AKR1B15: variants seen among roughly 807,000 people sequenced by gnomAD.
The protein encoded by AKR1B15 is aldo-keto reductase family 1 member B15.
A neutral mutation model predicts 38.5 loss-of-function variants in AKR1B15; 49 were observed. The ratio of observed to expected loss-of-function variants is 1.27; its 90% CI spans 1.01 to 1.62. The LOEUF is 1.62. AKR1B15 is among the 40% of genes most tolerant of loss of function. AKR1B15 has a pLI of 0.00. For synonymous variants in AKR1B15, 137 were observed against 135.5 expected (o/e 1.01, Z -0.08); for missense variants, 411 against 381.6 (o/e 1.08, Z -0.64).
chr7:134,562,826 TCCTTTC>T (rs1304310831), intron 2 of AKR1B15, among the ~76,000 whole-genome samples: 1 of 144,938 alleles, frequency 6.9e-6, no homozygotes, highest in Admixed American at 7.1e-5. Context: ...CTTCCTTCCT[TCCTTTC>T]TCTTTCTTTC....
intron 2 of AKR1B15, among the ~76,000 whole-genome samples, chr7:134,560,502 T>G (rs1403834629): frequency 6.6e-6 from 1 of 152,172 alleles, no homozygotes; most frequent in Non-Finnish European, 1.5e-5. Flanking sequence ...CCAGTTGGGT[T>G]GTTACACGAA....
intron 1 of AKR1B15, among the ~76,000 whole-genome samples, chr7:134,550,644 C>T (rs561774401): frequency 6.6e-6 from 1 of 152,172 alleles, no homozygotes; most frequent in Non-Finnish European, 1.5e-5. Flanking sequence ...CCTCCCAGGC[C>T]GTGAATATCT....
chr7:134,569,080 C>A (rs141708706), intron 4 of AKR1B15, among the ~76,000 whole-genome samples: 1 of 152,214 alleles, frequency 6.6e-6, no homozygotes, highest in Non-Finnish European at 1.5e-5. Context: ...AAAAGCTACA[C>A]GCAATTCCTG....
In AKR1B15 at chr7:134,577,576, A is replaced by G. The variant is rs114690571; in HGVS notation, c.910-128A>G. The G allele has an allele frequency of 2.2e-3, 2,345 of 1,056,754 alleles. 33 individuals carry two copies. In the African/African-American group the frequency reaches 0.034, roughly 15 times the overall value. 65.5% of individuals were successfully genotyped at this position (1,056,754 alleles called of 1,614,324 possible). A position where few individuals can be genotyped will look rare whatever the true frequency, so the allele number is the denominator to read the frequency against. On this transcript the variant is annotated intron_variant, in intron 10 of 11. Coordinates refer to ENST00000457545, the MANE Select transcript of AKR1B15 (RefSeq NM_001080538.3). Reference sequence around the variant, plus strand: ...GAAAAATTTGTATCCCTTGGACAGAATGGGAAAAACTCCTATGGCCAGTTT... The same window carrying G: ...GAAAAATTTGTATCCCTTGGACAGAGTGGGAAAAACTCCTATGGCCAGTTT...
intron 1 of AKR1B15, among the ~76,000 whole-genome samples, chr7:134,552,447 C>A (rs10267447): frequency 1.3e-5 from 2 of 152,138 alleles, no homozygotes; most frequent in Non-Finnish European, 2.9e-5. Context: ...CACCACCCTG[C>A]CGGTCCAGGT....
In AKR1B15 at chr7:134,564,689, G is replaced by C. The variant is rs192494016; in HGVS notation, c.70G>C (p.Val24Leu). The C allele has an allele frequency of 1.4e-6, 1 of 699,460 alleles. No individual in the cohort carries two copies. 43.3% of individuals were successfully genotyped at this position (699,460 alleles called of 1,614,324 possible). A position where few individuals can be genotyped will look rare whatever the true frequency, so the allele number is the denominator to read the frequency against. The change falls in exon 3 of 12, where the codon GTT (valine) becomes CTT (leucine). Residue 24 changes from valine (V) to leucine (L), a missense_variant. This residue lies in a region of AKR1B15 where 254 missense variants were observed against 212.4 expected (regional missense o/e 1.20). Coordinates refer to ENST00000457545, the MANE Select transcript of AKR1B15 (RefSeq NM_001080538.3). ...CCACCAAGGACCCCTGGACCAACCC[G>C]TTGGCCCTTTGACTGGCCTAAAGAG... ...NFHQGPLDQPVGPLTGLKSSL... is the reference protein window; with the variant it reads ...NFHQGPLDQPLGPLTGLKSSL...
rs10258588 is a variant in AKR1B15 at position 134,550,006 on chromosome 7, C to G, written c.-147+757C>G. On this transcript the variant is annotated intron_variant, in intron 1 of 11. Coordinates refer to ENST00000457545, the MANE Select transcript of AKR1B15 (RefSeq NM_001080538.3). ...GGGAAGGGTGTGGAAGACATTCACC[C>G]GTTTAGGATTTCTGGCACCATAAAG... Among the ~76,000 whole-genome samples, 324 of 152,128 alleles carry G rather than the reference C, an allele frequency of 2.1e-3. 1 individual carries two copies. Among genetic ancestry groups the G allele is most frequent in the African/African-American group, 7.5e-3 (311 of 41,458 alleles).
At chr7:134,575,376 T>C (rs372666205) in intron 6 of AKR1B15, 44 bp from the exon 7 acceptor site, 37 of 1,602,216 alleles carry the variant, frequency 2.3e-5, no homozygotes, top group Non-Finnish European at 3.0e-5. Flanking sequence ...AGGGTCCCTG[T>C]AGTCCCTCTA....
chr7:134,567,651 C>T (rs1468675406), intron 3 of AKR1B15, among the ~76,000 whole-genome samples: 3 of 152,098 alleles, frequency 2.0e-5, no homozygotes, highest in Non-Finnish European at 2.9e-5. Context: ...GCTGTAATGA[C>T]CATTATCCAG....
At chr7:134,566,192 G>A (rs1210005615) in intron 3 of AKR1B15, among the ~76,000 whole-genome samples, 1 of 152,208 alleles carries the variant, frequency 6.6e-6, no homozygotes, top group Non-Finnish European at 1.5e-5. Flanking sequence ...CACTTGGGAG[G>A]CTGAGGTGGA....
rs114532120 is a variant in AKR1B15, at chr7:134,558,139, C to G, written c.-23+1280C>G. 5.9e-3 allele frequency among the ~76,000 whole-genome samples: 895 copies of G among 152,246 alleles called. 8 individuals carry two copies. Among genetic ancestry groups the G allele is most frequent in the African/African-American group, 0.021 (856 of 41,540 alleles). ...CCAAGCAATGTGCAATGCAGTTCTC[C>G]GGGTTTATGGGTGTATAAGAATTTA... On this transcript the variant is annotated intron_variant, in intron 2 of 11. Transcript: ENST00000457545.
At chr7:134,549,803 T>C (rs1369676921) in intron 1 of AKR1B15, among the ~76,000 whole-genome samples, 4 of 152,184 alleles carry the variant, frequency 2.6e-5, no homozygotes, top group African/African-American at 9.7e-5. Flanking sequence ...TCCTGTTTAG[T>C]GTCTGTCTAA....
intron 1 of AKR1B15, among the ~76,000 whole-genome samples, chr7:134,554,921 C>T (rs755908701): frequency 2.0e-5 from 3 of 152,164 alleles, no homozygotes; most frequent in Non-Finnish European, 4.4e-5. Flanking sequence ...TTGTGCCTAT[C>T]GACCCCAGAG....
chr7:134,579,452 AGAGTT>A, intron 11 of AKR1B15, 50 bp from the exon 12 acceptor site: 2 of 1,451,274 alleles, frequency 1.4e-6, no homozygotes, highest in Non-Finnish European at 1.9e-6. Flanking sequence ...CTTCTCAGCG[AGAGTT>A]GTTGCTTTGA....
chr7:134,572,044 C>T (rs922226131), intron 6 of AKR1B15, among the ~76,000 whole-genome samples: 2 of 152,052 alleles, frequency 1.3e-5, no homozygotes, highest in Non-Finnish European at 2.9e-5. Flanking sequence ...GCTCAGTTTT[C>T]TCTTTAAAGA....
rs776242427 is a variant in AKR1B15 at position 134,575,872 on chromosome 7, T to A, written c.688T>A (p.Ser230Thr). 3.7e-6 allele frequency: 6 copies of A among 1,613,780 alleles called. No homozygotes were observed. The highest frequency in any genetic ancestry group is 1.7e-4 in the Middle Eastern group (1 of 6,056). Reference sequence around the variant, plus strand: ...GGAGAAACTGATCCAGTACTGCCACTCCAAGGGCATCACCGTTACGGCCTA... The same window carrying A: ...GGAGAAACTGATCCAGTACTGCCACACCAAGGGCATCACCGTTACGGCCTA... ...TQEKLIQYCHSKGITVTAYSP... is the reference protein window; with the variant it reads ...TQEKLIQYCHTKGITVTAYSP... Residue 230 changes from serine to threonine, a missense_variant, in exon 8 of 12, where the codon TCC becomes ACC. This residue lies in a region of AKR1B15 where 24 missense variants were observed against 48.9 expected (regional missense o/e 0.49). Coordinates refer to ENST00000457545, the MANE Select transcript of AKR1B15 (RefSeq NM_001080538.3).
intron 11 of AKR1B15, 31 bp from the exon 12 acceptor site, chr7:134,579,476 A>T (rs534730672): frequency 2.0e-5 from 31 of 1,518,014 alleles, no homozygotes; most frequent in Non-Finnish European, 2.7e-5. Flanking sequence ...GATGGAACAC[A>T]GTTTCTTTTT....
chr7:134,560,046 TG>T (rs1361301317), intron 2 of AKR1B15, among the ~76,000 whole-genome samples: 4 of 151,718 alleles, frequency 2.6e-5, no homozygotes, highest in African/African-American at 9.7e-5. Context: ...AGGCAGAGGT[TG>T]TAGTGAGCTG....
At chr7:134,578,127 T>C (rs990531930) in intron 11 of AKR1B15, among the ~76,000 whole-genome samples, 27 of 152,282 alleles carry the variant, frequency 1.8e-4, no homozygotes, top group African/African-American at 6.5e-4. Flanking sequence ...TATCATACTG[T>C]ACAAAGCTGC....
Sources: gnomAD v4.1 joint callset for allele counts (sites outside exome capture counted in the v4.1 genomes callset) on GRCh38, gnomAD v4.1.1 for gene constraint, gnomAD v4.1.1 regional missense constraint, MANE v1.5 for transcripts, NCBI Gene and HGNC (gene_info 2026-07-23, HGNC 2026-07-21) for gene names.